ADGRL3: variants seen among roughly 807,000 people sequenced by gnomAD.
ADGRL3 encodes calcium-independent alpha-latrotoxin receptor 3.
In ADGRL3, 62 loss-of-function variants were observed where a neutral mutation model predicts 153.5. The ratio of observed to expected loss-of-function variants is 0.40; its 90% CI spans 0.33 to 0.50. The LOEUF (loss-of-function observed/expected upper bound fraction) is 0.50. Ranked by LOEUF, ADGRL3 falls within the 20% of genes least tolerant of loss-of-function variation. ADGRL3 has a pLI of 0.47. For missense variants in ADGRL3, 1,641 were observed against 1,859.4 expected, an observed-to-expected ratio of 0.88 and a Z score of 2.16; for synonymous variants, 710 against 672.5, an observed-to-expected ratio of 1.06 and a Z score of -0.86.
intron 6 of ADGRL3, among the ~76,000 whole-genome samples, chr4:61,709,259 T>A (rs2095916152): frequency 6.6e-6 from 1 of 152,218 alleles, no homozygotes; most frequent in South Asian, 2.1e-4. Flanking sequence ...TTTAGTCTAA[T>A]TTATGCATAA....
At chr4:62,008,479 C>T (rs1291694487) in intron 21 of ADGRL3, among the ~76,000 whole-genome samples, 1 of 151,988 alleles carries the variant, frequency 6.6e-6, no homozygotes, top group Non-Finnish European at 1.5e-5. Context: ...GACCGGCTAA[C>T]CTATTGACCA....
chr4:61,516,041 C>A (rs2098491885), intron 3 of ADGRL3, among the ~76,000 whole-genome samples: 1 of 152,032 alleles, frequency 6.6e-6, no homozygotes, highest in Admixed American at 6.6e-5. Context: ...GTAATAAATT[C>A]AAATAAAAAT....
intron 13 of ADGRL3, among the ~76,000 whole-genome samples, chr4:61,931,836 A>G (rs954962047): frequency 6.6e-6 from 1 of 152,134 alleles, no homozygotes; most frequent in African/African-American, 2.4e-5. Flanking sequence ...ACTTATAACT[A>G]TGAAAAAATA....
intron 17 of ADGRL3, among the ~76,000 whole-genome samples, chr4:61,979,215 TA>T (rs1417423564): frequency 6.6e-6 from 1 of 152,154 alleles, no homozygotes; most frequent in Non-Finnish European, 1.5e-5. Flanking sequence ...AAAATTAGTC[TA>T]AAAAAGTGAT....
chr4:61,476,778 G>C (rs2098066009), intron 2 of ADGRL3, among the ~76,000 whole-genome samples: 1 of 135,482 alleles, frequency 7.4e-6, no homozygotes, highest in Non-Finnish European at 1.6e-5. Context: ...GTTTTGCCAT[G>C]TTAGCCAGAC....
intron 1 of ADGRL3, among the ~76,000 whole-genome samples, chr4:61,238,950 G>A (rs555017069): frequency 1.3e-5 from 2 of 151,944 alleles, no homozygotes; most frequent in South Asian, 4.1e-4. Flanking sequence ...AAATAAATAA[G>A]TTCTCTTATT....
chr4:61,536,758 C>T (rs919085716), intron 4 of ADGRL3, among the ~76,000 whole-genome samples: 23 of 152,000 alleles, frequency 1.5e-4, no homozygotes, highest in Non-Finnish European at 2.8e-4. Context: ...CACCCCTTTA[C>T]TTTGAACCTG....
At chr4:61,335,421 C>A (rs946872053) in intron 1 of ADGRL3, among the ~76,000 whole-genome samples, 8 of 152,168 alleles carry the variant, frequency 5.3e-5, no homozygotes, top group Non-Finnish European at 1.5e-5. Context: ...TTTTCTCATT[C>A]ATTTGCTAGC....
intron 8 of ADGRL3, among the ~76,000 whole-genome samples, chr4:61,790,184 T>A (rs1344035266): frequency 6.6e-6 from 1 of 152,232 alleles, no homozygotes; most frequent in Non-Finnish European, 1.5e-5. Context: ...ATTTCATATT[T>A]AAATTCTTGG....
At chr4:61,261,186 CTTCTTTTTTTTTT>C (rs2092482434) in intron 1 of ADGRL3, among the ~76,000 whole-genome samples, 1 of 89,364 alleles carries the variant, frequency 1.1e-5, no homozygotes, top group African/African-American at 3.6e-5. Flanking sequence ...TTTTCATCTT[CTTCTTTTTTTTTT>C]TTTTTTTTTT....
chr4:61,231,995 A>G (rs1191615294), intron 1 of ADGRL3, among the ~76,000 whole-genome samples: 2 of 151,730 alleles, frequency 1.3e-5, no homozygotes, highest in African/African-American at 4.8e-5. Context: ...AGATAGATAA[A>G]TTAGGAAAAT....
intron 8 of ADGRL3, among the ~76,000 whole-genome samples, chr4:61,767,427 G>C (rs932549560): frequency 3.3e-5 from 5 of 152,180 alleles, no homozygotes; most frequent in African/African-American, 1.2e-4. Context: ...CCCTTGAAAA[G>C]AACGTAATGT....
intron 6 of ADGRL3, among the ~76,000 whole-genome samples, chr4:61,703,412 A>C (rs188834616): frequency 8.6e-4 from 131 of 152,260 alleles, no homozygotes; most frequent in African/African-American, 3.1e-3. Flanking sequence ...AGTTTATTTC[A>C]ATTACTAAGC....
chr4:61,219,121 G>A (rs1450544401), intron 1 of ADGRL3, among the ~76,000 whole-genome samples: 5 of 152,128 alleles, frequency 3.3e-5, no homozygotes, highest in African/African-American at 1.2e-4. Context: ...GCTGATTCAT[G>A]TGTAAAGAAG....
At chr4:61,241,435 C>G (rs982542842) in intron 1 of ADGRL3, among the ~76,000 whole-genome samples, 2 of 152,002 alleles carry the variant, frequency 1.3e-5, no homozygotes, top group African/African-American at 4.8e-5. Flanking sequence ...TATCAATATA[C>G]TGAAACTACT....
intron 9 of ADGRL3, among the ~76,000 whole-genome samples, chr4:61,841,552 A>G (rs555719338): frequency 2.0e-5 from 3 of 152,340 alleles, no homozygotes; most frequent in East Asian, 1.9e-4. Flanking sequence ...GGGGTTAAAG[A>G]AGGCAAAAAG....
chr4:61,941,363 T>C (rs1387819562), intron 15 of ADGRL3, among the ~76,000 whole-genome samples: 11 of 91,524 alleles, frequency 1.2e-4, no homozygotes, highest in East Asian at 5.3e-4. Flanking sequence ...AGTCAGGTAG[T>C]GTGATGCCTC....
chr4:61,836,121 T>G (rs2148930231), intron 9 of ADGRL3, among the ~76,000 whole-genome samples: 1 of 152,320 alleles, frequency 6.6e-6, no homozygotes, highest in Admixed American at 6.5e-5. Flanking sequence ...CATTGAAGAA[T>G]ATCTCATCTA....
At chr4:61,429,922 G>C (rs2097334940) in intron 2 of ADGRL3, among the ~76,000 whole-genome samples, 1 of 152,036 alleles carries the variant, frequency 6.6e-6, no homozygotes, top group Admixed American at 6.6e-5. Context: ...TTTTTAATTA[G>C]AAATAATGGC....
Sources: gnomAD v4.1 joint callset for allele counts (sites outside exome capture counted in the v4.1 genomes callset) on GRCh38, gnomAD v4.1.1 for gene constraint, MANE v1.5 for transcripts, NCBI Gene and HGNC (gene_info 2026-07-23, HGNC 2026-07-21) for gene names.